RALYL: variants seen among roughly 807,000 people sequenced by gnomAD.
RALYL encodes the protein RNA-binding Raly-like protein.
A neutral mutation model predicts 35.1 loss-of-function variants in RALYL; 29 were observed. That is an observed-to-expected ratio of 0.83 (90% CI 0.61 to 1.13). RALYL has a LOEUF of 1.13. Among genes scored for constraint, RALYL ranks in the 50% most tolerant of loss-of-function variants. RALYL has a pLI of 0.00. For missense variants in RALYL, 359 were observed against 360.4 expected, an observed-to-expected ratio of 1.00 and a Z score of 0.03; for synonymous variants, 120 against 127.6, an observed-to-expected ratio of 0.94 and a Z score of 0.40.
intron 1 of RALYL, among the ~76,000 whole-genome samples, chr8:84,256,131 A>G (rs550920539): frequency 2.0e-5 from 3 of 152,242 alleles, no homozygotes; most frequent in African/African-American, 7.2e-5. Flanking sequence ...GGGAAGGGTT[A>G]TATGTGCTGG....
intron 3 of RALYL, among the ~76,000 whole-genome samples, chr8:84,796,245 A>G (rs1053396145): frequency 2.0e-5 from 3 of 152,164 alleles, no homozygotes; most frequent in Non-Finnish European, 2.9e-5. Flanking sequence ...GCTCTCCACA[A>G]CAAAACCCTA....
rs147336177 is a variant in RALYL at position 84,516,443 on chromosome 8, G to A, written c.-23-12856G>A. Among the ~76,000 whole-genome samples, 690 of 151,794 alleles carry A rather than the reference G, an allele frequency of 4.5e-3. 1 individual carries two copies. Among genetic ancestry groups the A allele is most frequent in the Admixed American group, 7.2e-3 (110 of 15,232 alleles). On this transcript the variant is annotated intron_variant, in intron 1 of 8. Coordinates refer to ENST00000521268, the MANE Select transcript of RALYL (RefSeq NM_173848.7). ...GTCTGAAGAAGCTACTTTGTGGCTC[G>A]TTTTTAGAGCTGTATAATATATTTA...
chr8:84,878,970 C>T (rs79264777), intron 7 of RALYL, among the ~76,000 whole-genome samples: 7,546 of 152,136 alleles, frequency 0.05, 609 homozygotes, highest in African/African-American at 0.17. Context: ...TTCCAATTAA[C>T]TGTTTTAATA....
At chr8:84,849,076 A>G (rs1479778840) in intron 4 of RALYL, among the ~76,000 whole-genome samples, 1 of 152,200 alleles carries the variant, frequency 6.6e-6, no homozygotes, top group Non-Finnish European at 1.5e-5. Context: ...AGTTGTTTTG[A>G]TGACTGTAAT....
chr8:84,230,115 G>T (rs1824962585), intron 1 of RALYL, among the ~76,000 whole-genome samples: 1 of 152,018 alleles, frequency 6.6e-6, no homozygotes, highest in Non-Finnish European at 1.5e-5. Flanking sequence ...CATATATAGG[G>T]TTAATTGTTG....
chr8:84,589,946 A>G (rs1423851629), intron 2 of RALYL, among the ~76,000 whole-genome samples: 1 of 152,206 alleles, frequency 6.6e-6, no homozygotes, highest in African/African-American at 2.4e-5. Context: ...TAATGAGAGG[A>G]TCTAATTACT....
intron 2 of RALYL, among the ~76,000 whole-genome samples, chr8:84,711,953 T>C (rs986192894): frequency 1.3e-5 from 2 of 152,174 alleles, no homozygotes; most frequent in Non-Finnish European, 2.9e-5. Context: ...GTTGATCTTT[T>C]TTGTTACCTA....
At chr8:84,573,303 C>A (rs76051099) in intron 2 of RALYL, among the ~76,000 whole-genome samples, 1 of 151,454 alleles carries the variant, frequency 6.6e-6, no homozygotes, top group Non-Finnish European at 1.5e-5. Flanking sequence ...CTATTTTGTC[C>A]TCATTTTAAG....
chr8:84,245,419 G>T (rs1258684480), intron 1 of RALYL, among the ~76,000 whole-genome samples: 7 of 152,124 alleles, frequency 4.6e-5, no homozygotes, highest in Non-Finnish European at 8.8e-5. Context: ...TTACCAGATT[G>T]TAAAAAATGT....
intron 1 of RALYL, among the ~76,000 whole-genome samples, chr8:84,314,019 C>T (rs1843287944): frequency 6.6e-6 from 1 of 152,170 alleles, no homozygotes; most frequent in South Asian, 2.1e-4. Context: ...AATTGCCTCA[C>T]AGTTCTGCAT....
At chr8:84,588,132 G>A (rs141479789) in intron 2 of RALYL, among the ~76,000 whole-genome samples, 6 of 152,252 alleles carry the variant, frequency 3.9e-5, no homozygotes, top group Non-Finnish European at 7.4e-5. Flanking sequence ...GAAGTGCTGG[G>A]CTGTAGAAAT....
intron 4 of RALYL, among the ~76,000 whole-genome samples, chr8:84,838,176 G>A (rs957491390): frequency 6.6e-6 from 1 of 152,108 alleles, no homozygotes; most frequent in Non-Finnish European, 1.5e-5. Flanking sequence ...ACAGTTCTAG[G>A]ATATATAAAA....
At chr8:84,685,471 T>C (rs1261205110) in intron 2 of RALYL, among the ~76,000 whole-genome samples, 1 of 152,136 alleles carries the variant, frequency 6.6e-6, no homozygotes, top group Non-Finnish European at 1.5e-5. Context: ...AGCTCCTTTC[T>C]AGTACCTGAT....
At chr8:84,533,940 A>C (rs1389897206) in intron 2 of RALYL, among the ~76,000 whole-genome samples, 2 of 152,228 alleles carry the variant, frequency 1.3e-5, no homozygotes, top group Non-Finnish European at 2.9e-5. Flanking sequence ...AGAGCAATGG[A>C]TTTCAAATGT....
intron 1 of RALYL, among the ~76,000 whole-genome samples, chr8:84,213,025 C>CT (rs1264122509): frequency 1.3e-5 from 2 of 152,056 alleles, no homozygotes; most frequent in East Asian, 1.9e-4. Context: ...TCATTGTTCT[C>CT]TTTTTTTACA....
intron 2 of RALYL, among the ~76,000 whole-genome samples, chr8:84,648,614 G>A (rs527677771): frequency 6.6e-6 from 1 of 151,288 alleles, no homozygotes; most frequent in Non-Finnish European, 1.5e-5. Flanking sequence ...TACTATGCAT[G>A]GAATAAATCA....
At chr8:84,784,320 G>C (rs1818871125) in intron 3 of RALYL, among the ~76,000 whole-genome samples, 1 of 152,222 alleles carries the variant, frequency 6.6e-6, no homozygotes, top group South Asian at 2.1e-4. Flanking sequence ...GAGGAGAGGA[G>C]AGAAGAAGAA....
intron 2 of RALYL, among the ~76,000 whole-genome samples, chr8:84,715,092 A>G (rs542612476): frequency 1.3e-5 from 2 of 152,118 alleles, no homozygotes; most frequent in Non-Finnish European, 2.9e-5. Flanking sequence ...AATGTTTATT[A>G]TAAGCATTTG....
At chr8:84,279,508 C>T (rs754352250) in intron 1 of RALYL, among the ~76,000 whole-genome samples, 4 of 152,136 alleles carry the variant, frequency 2.6e-5, no homozygotes, top group African/African-American at 4.8e-5. Flanking sequence ...TCTTCTATTG[C>T]TATTACTGGC....
Sources: gnomAD v4.1 joint callset for allele counts (sites outside exome capture counted in the v4.1 genomes callset) on GRCh38, gnomAD v4.1.1 for gene constraint, MANE v1.5 for transcripts, NCBI Gene and HGNC (gene_info 2026-07-23, HGNC 2026-07-21) for gene names.